TDRD12: variants seen among roughly 807,000 people sequenced by gnomAD.
TDRD12 encodes putative ATP-dependent RNA helicase TDRD12.
TDRD12 carries 158 observed loss-of-function variants against 133.5 expected under a neutral mutation model. The ratio of observed to expected loss-of-function variants is 1.18; its 90% CI spans 1.04 to 1.35. The LOEUF is 1.35. TDRD12 is among the 40% of genes most tolerant of loss of function. The probability of loss-of-function intolerance (pLI) is 0.00; values close to 1 mark genes in which losing one functional copy is unlikely to be tolerated. For synonymous variants in TDRD12, 460 were observed against 477.9 expected (o/e 0.96, Z 0.49); for missense variants, 1,443 against 1,321.3 (o/e 1.09, Z -1.43).
intron 24 of TDRD12, 135 bp downstream of exon 24, chr19:32,811,555 C>T (rs375174100): frequency 1.4e-4 from 119 of 826,072 alleles, no homozygotes; most frequent in South Asian, 8.5e-4. Context: ...TAGATCCCCA[C>T]GGTGTGTGAA....
At chr19:32,738,445 A>G (rs1380809680) in intron 2 of TDRD12, among the ~76,000 whole-genome samples, 1 of 152,068 alleles carries the variant, frequency 6.6e-6, no homozygotes, top group Non-Finnish European at 1.5e-5. Context: ...TGTAAAGGAG[A>G]ATGTTGACTG....
chr19:32,816,122 G>A lies in TDRD12; in HGVS notation c.3314+502G>A, dbSNP rs571436070. The stretch of plus-strand genomic sequence containing the variant: ...CCCCAGCCCACACTTGCTTTTGTTG[G>A]AGTATTATAAAGCAGATCTCAAATA... On this transcript the variant is annotated intron_variant, in intron 26 of 27. Transcript: ENST00000444215. 3.3e-5 allele frequency among the ~76,000 whole-genome samples: 5 copies of A among 152,270 alleles called. No individual in the cohort carries two copies. In the East Asian group the frequency reaches 9.6e-4, roughly 29 times the overall value.
chr19:32,826,341 G>A, exon 8 of TDRD12: 1 of 1,327,696 alleles, frequency 7.5e-7, no homozygotes, highest in East Asian at 2.6e-5. Flanking sequence ...GTATTTAAGG[G>A]ATAGAGTCGT....
chr19:32,826,808 A>G, intron 9 of TDRD12, 59 bp downstream of exon 32: 2 of 1,043,968 alleles, frequency 1.9e-6, no homozygotes, highest in Non-Finnish European at 2.4e-6. Flanking sequence ...AGTGAGGGAC[A>G]CCATCACCCA....
intron 14 of TDRD12, among the ~76,000 whole-genome samples, chr19:32,795,067 G>A (rs1181594673): frequency 6.6e-6 from 1 of 152,174 alleles, no homozygotes; most frequent in Non-Finnish European, 1.5e-5. Flanking sequence ...AGGCACGGTG[G>A]CTCACGCCTG....
intron 6 of TDRD12, among the ~76,000 whole-genome samples, chr19:32,752,557 G>A (rs1205895140): frequency 6.6e-6 from 1 of 152,030 alleles, no homozygotes; most frequent in Non-Finnish European, 1.5e-5. Flanking sequence ...TCGATAATTT[G>A]TATTAGTATG....
chr19:32,735,102 A>T (rs948500257), intron 2 of TDRD12, among the ~76,000 whole-genome samples: 1 of 152,220 alleles, frequency 6.6e-6, no homozygotes, highest in African/African-American at 2.4e-5. Context: ...AAGTGAAAGG[A>T]TGAATCACAT....
exon 2 of TDRD12, chr19:32,731,739 T>C: frequency 6.5e-7 from 1 of 1,536,790 alleles, no homozygotes; most frequent in East Asian, 2.5e-5. Flanking sequence ...AAGATCCAGG[T>C]TGCTTCTGGG....
Position 32,737,796 on chromosome 19 carries a change from G to A in TDRD12, c.184-1060G>A, listed in dbSNP as rs534897772. Among the ~76,000 whole-genome samples, 62 of 152,304 alleles carry A rather than the reference G, an allele frequency of 4.1e-4. 1 individual carries two copies. The South Asian group carries it at 0.01, about 25-fold the overall frequency. On this transcript the variant is annotated intron_variant, in intron 2 of 27. Coordinates refer to ENST00000444215, the Ensembl canonical transcript of TDRD12. Reference sequence around the variant, plus strand: ...AAATCCATGTCATCAAGGAGCCAGCGTCCAGTTATGACAGATAGTAAACAA... The same window carrying A: ...AAATCCATGTCATCAAGGAGCCAGCATCCAGTTATGACAGATAGTAAACAA...
chr19:32,778,441 T>C (rs909323632), intron 11 of TDRD12, among the ~76,000 whole-genome samples: 5 of 152,220 alleles, frequency 3.3e-5, no homozygotes. Context: ...CTTTCTTTTA[T>C]TATTTTCAAT....
intron 26 of TDRD12, among the ~76,000 whole-genome samples, chr19:32,816,643 G>A (rs903665030): frequency 7.2e-5 from 11 of 152,238 alleles, no homozygotes; most frequent in Middle Eastern, 3.4e-3. Flanking sequence ...TATTTCTGAC[G>A]GAATGGGATT....
rs186671708 is a variant in TDRD12 at position 32,768,743 on chromosome 19, C to G, written c.866-4010C>G. The stretch of plus-strand genomic sequence containing the variant: ...AGGGTATGGGAGCTGTTTCTCAGCT[C>G]TTGAGCCCTGTTACTCTCATTGCAA... On this transcript the variant is annotated intron_variant, in intron 8 of 27. Transcript: ENST00000444215. Among the ~76,000 whole-genome samples the G allele has an allele frequency of 5.1e-4, 77 of 152,184 alleles. 1 individual carries two copies. The highest frequency in any genetic ancestry group is 5.0e-3 in the Admixed American group (76 of 15,256).
Position 32,812,200 on chromosome 19 carries a change from G to C in TDRD12, c.3048+780G>C, listed in dbSNP as rs147748592. 4.6e-4 allele frequency among the ~76,000 whole-genome samples: 70 copies of C among 152,236 alleles called. No homozygotes were observed. In the East Asian group the frequency reaches 0.013, roughly 27 times the overall value. On this transcript the variant is annotated intron_variant, in intron 24 of 27. Transcript: ENST00000444215. ...GGAGTGGGAAGGCCCAGCCCTTGCA[G>C]ACCTGTGCTGAGGGCACAGGCACAG...
chr19:32,815,520 A>T (rs891143977), exon 26 of TDRD12: 1 of 1,536,468 alleles, frequency 6.5e-7, no homozygotes, highest in Non-Finnish European at 8.7e-7. Flanking sequence ...AATTTTGTCC[A>T]TGGGCATGGG....
chr19:32,818,785 C>T (rs865882285), intron 27 of TDRD12, among the ~76,000 whole-genome samples: 2 of 151,976 alleles, frequency 1.3e-5, no homozygotes, highest in South Asian at 2.1e-4. Flanking sequence ...GGTGAGTAGG[C>T]GAGGGATGCG....
intron 11 of TDRD12, among the ~76,000 whole-genome samples, chr19:32,780,396 A>G (rs557779240): frequency 1.3e-5 from 2 of 152,240 alleles, no homozygotes; most frequent in African/African-American, 4.8e-5. Context: ...CCAAATATGC[A>G]CATTCTTTGT....
intron 11 of TDRD12, among the ~76,000 whole-genome samples, 180 bp from the exon 12 acceptor site, chr19:32,790,351 C>T (rs904891644): frequency 6.6e-6 from 1 of 152,200 alleles, no homozygotes; most frequent in African/African-American, 2.4e-5. Flanking sequence ...AGGGTTGTGG[C>T]AGCACAGGTA....
chr19:32,804,129 G>A (rs1971475511), intron 21 of TDRD12, among the ~76,000 whole-genome samples: 1 of 151,818 alleles, frequency 6.6e-6, no homozygotes. Flanking sequence ...CTGGAGTGCA[G>A]TGGCGCCATC....
chr19:32,739,371 C>T (rs559568805), intron 3 of TDRD12, among the ~76,000 whole-genome samples: 2 of 145,994 alleles, frequency 1.4e-5, no homozygotes, highest in African/African-American at 5.2e-5. Flanking sequence ...CACCTGGCTG[C>T]TCTCTGCATC....
Sources: gnomAD v4.1 joint callset for allele counts (sites outside exome capture counted in the v4.1 genomes callset) on GRCh38, gnomAD v4.1.1 for gene constraint, MANE v1.5 for transcripts, NCBI Gene and HGNC (gene_info 2026-07-23, HGNC 2026-07-21) for gene names.